Variants in GLYR1 observed in about 807,000 individuals in gnomAD.
GLYR1 encodes the protein cytokine-like nuclear factor N-PAC.
Under a neutral mutation model 72.7 loss-of-function variants are expected in GLYR1, and 21 were observed. That is an observed-to-expected ratio of 0.29 (90% confidence interval 0.20 to 0.42). The LOEUF (loss-of-function observed/expected upper bound fraction) is 0.42. GLYR1 is among the 10% of genes least tolerant of loss of function. The pLI is 1.00. For missense variants in GLYR1, 594 were observed against 712.1 expected (o/e 0.83, Z 1.89); for synonymous variants, 392 against 270.2 (o/e 1.45, Z -4.42).
chr16:4,833,793 C>A (rs1735555520), intron 3 of GLYR1, among the ~76,000 whole-genome samples: 1 of 152,218 alleles, frequency 6.6e-6, no homozygotes, highest in Admixed American at 6.5e-5. Flanking sequence ...TGATCTGTCA[C>A]ACTAACCTGA....
At chr16:4,832,629 C>T (rs1318601796) in intron 4 of GLYR1, 145 bp downstream of exon 4, 27 of 999,842 alleles carry the variant, frequency 2.7e-5, no homozygotes, top group Non-Finnish European at 3.8e-5. Context: ...ATAAGCAAAA[C>T]GCTGACACCT....
At chr16:4,837,143 T>C (rs1434574642) in intron 3 of GLYR1, among the ~76,000 whole-genome samples, 3 of 152,222 alleles carry the variant, frequency 2.0e-5, no homozygotes, top group Non-Finnish European at 4.4e-5. Context: ...TAAATGAAAA[T>C]CATACATGTA....
In GLYR1 at chr16:4,803,449, GGGAA is replaced by G. The variant is rs1431071817; in HGVS notation, c.*1783_*1786del. The G allele has an allele frequency of 6.6e-6, 1 of 152,606 alleles. No homozygotes were observed. The highest frequency in any genetic ancestry group is 2.4e-5 in the African/African-American group (1 of 41,430). 9.5% of individuals were successfully genotyped at this position (152,606 alleles called of 1,614,324 possible). On this transcript the variant is annotated 3_prime_UTR_variant, in exon 16 of 16. Transcript: ENST00000321919. ...CAAGTGTCACATTTTCTCCTTAAAAGGGAAGGATTTCAAAAGAAAGGTGAAATAG... is the reference window on the plus strand; with the variant it reads ...CAAGTGTCACATTTTCTCCTTAAAAGGGATTTCAAAAGAAAGGTGAAATAG...
rs573478676 is a variant in GLYR1, at chr16:4,820,708, T to A, written c.806+672A>T. Among the ~76,000 whole-genome samples, 52 of 152,364 alleles carry A rather than the reference T, an allele frequency of 3.4e-4. 1 individual carries two copies. The East Asian group carries it at 9.8e-3, about 29-fold the overall frequency. On this transcript the variant is annotated intron_variant, in intron 9 of 15. Transcript: ENST00000321919. ...GTACAAACTGGAAACTGACTTTAGC[T>A]AACTTGCTCCAGAGAACGTGTTTTC...
In GLYR1 at chr16:4,832,926, AAC is replaced by A; in HGVS notation, c.156-16_156-15del. ...TTGATCCAGGCACTAGCAGAAAACA[AAC>A]ACAAAAAGGGTGTGAACCATATAGC... On this transcript the variant is annotated splice_polypyrimidine_tract_variant and intron_variant, in intron 3 of 15. Coordinates refer to ENST00000321919, the MANE Select transcript of GLYR1 (RefSeq NM_032569.4). 10 of 1,607,216 alleles carry A rather than the reference AAC, an allele frequency of 6.2e-6. No homozygotes were observed. Among genetic ancestry groups the A allele is most frequent in the Non-Finnish European group, 8.5e-6 (10 of 1,176,398 alleles).
chr16:4,815,323 C>A (rs1378162621), intron 10 of GLYR1, among the ~76,000 whole-genome samples: 6 of 151,676 alleles, frequency 4.0e-5, no homozygotes, highest in Admixed American at 3.9e-4. Context: ...GCTGGATGGG[C>A]CTACTATTTT....
At chr16:4,832,267 C>T in intron 4 of GLYR1, 46 bp from the exon 5 acceptor site, 1 of 1,602,514 alleles carries the variant, frequency 6.2e-7, no homozygotes, top group Non-Finnish European at 8.5e-7. Context: ...ACAGCTGCTG[C>T]CGCCATCGCC....
At chr16:4,819,345 T>C (rs923022233) in intron 9 of GLYR1, among the ~76,000 whole-genome samples, 2 of 152,056 alleles carry the variant, frequency 1.3e-5, no homozygotes, top group African/African-American at 4.8e-5. Context: ...CATTATGCTG[T>C]CTCCCAGGCT....
chr16:4,822,805 C>T (rs1258231521), intron 7 of GLYR1, 70 bp downstream of exon 7: 1 of 1,325,206 alleles, frequency 7.5e-7, no homozygotes, highest in Non-Finnish European at 1.1e-6. Flanking sequence ...ATGGCCAGGC[C>T]AGGACCCAGT....
chr16:4,817,341 G>A (rs1011766535), intron 10 of GLYR1, among the ~76,000 whole-genome samples: 38 of 151,788 alleles, frequency 2.5e-4, no homozygotes, highest in Admixed American at 2.6e-4. Flanking sequence ...GGATGGTCTC[G>A]ATCTCCTGAC....
At chr16:4,818,585 G>A (rs1464942031) in intron 9 of GLYR1, among the ~76,000 whole-genome samples, 2 of 152,044 alleles carry the variant, frequency 1.3e-5, no homozygotes, top group Non-Finnish European at 2.9e-5. Context: ...ACCCGGCTCT[G>A]GATACTACTT....
At chr16:4,836,084 C>T (rs1401651071) in intron 3 of GLYR1, among the ~76,000 whole-genome samples, 2 of 152,188 alleles carry the variant, frequency 1.3e-5, no homozygotes, top group Non-Finnish European at 2.9e-5. Flanking sequence ...CAGGTATGAG[C>T]CACTGCAACT....
chr16:4,812,031 G>C, intron 13 of GLYR1, 55 bp downstream of exon 13: 2 of 1,576,814 alleles, frequency 1.3e-6, no homozygotes, highest in Non-Finnish European at 1.7e-6. Context: ...TCATCAGTGT[G>C]AAACAGAGGA....
intron 12 of GLYR1, among the ~76,000 whole-genome samples, chr16:4,812,450 G>C (rs564227251): frequency 6.6e-5 from 10 of 152,030 alleles, no homozygotes; most frequent in Admixed American, 3.9e-4. Context: ...AATCACAGCA[G>C]TGATGAGACG....
chr16:4,841,619 C>T (rs1034763036), intron 3 of GLYR1, among the ~76,000 whole-genome samples: 3 of 150,792 alleles, frequency 2.0e-5, no homozygotes, highest in African/African-American at 7.3e-5. Context: ...CACTCCAACC[C>T]TTTCTCAAAA....
At chr16:4,815,978 T>C (rs2083614654) in intron 10 of GLYR1, among the ~76,000 whole-genome samples, 1 of 151,988 alleles carries the variant, frequency 6.6e-6, no homozygotes. Flanking sequence ...AGACGGGGTT[T>C]CACCGAGGTC....
intron 2 of GLYR1, among the ~76,000 whole-genome samples, chr16:4,845,414 G>C (rs184209983): frequency 6.6e-6 from 1 of 152,258 alleles, no homozygotes; most frequent in East Asian, 1.9e-4. Flanking sequence ...GTGCTCAGTA[G>C]ACACAATATC....
chr16:4,813,843 G>T lies in GLYR1; in HGVS notation c.1018-5C>A. ...ACCACTGGGGCCCAGCACCAGCTGT[G>T]GGGACACAAGGGAGAAGCAATAGCC... On this transcript the variant is annotated splice_polypyrimidine_tract_variant and splice_region_variant and intron_variant, in intron 11 of 15. Transcript: ENST00000321919. The T allele has an allele frequency of 1.2e-6, 2 of 1,604,296 alleles. No individual in the cohort carries two copies. Among genetic ancestry groups the T allele is most frequent in the East Asian group, 2.2e-5 (1 of 44,560 alleles).
rs146799499 is a variant in GLYR1 at position 4,828,910 on chromosome 16, G to A, written c.537+3069C>T. ...GGTATTTCTTTCCAGGGTGGCACAG[G>A]CACCGGTGAGATGCATGGCTTCACA... On this transcript the variant is annotated intron_variant, in intron 5 of 15. Coordinates refer to ENST00000321919, the MANE Select transcript of GLYR1 (RefSeq NM_032569.4). Among the ~76,000 whole-genome samples, 337 of 152,150 alleles carry A rather than the reference G, an allele frequency of 2.2e-3. 4 individuals are homozygous for A. The highest frequency in any genetic ancestry group is 7.8e-3 in the African/African-American group (323 of 41,520).
Sources: allele counts gnomAD v4.1 joint callset (sites outside exome capture counted in the v4.1 genomes callset), GRCh38; gene constraint gnomAD v4.1.1; transcripts MANE v1.5; gene names NCBI Gene and HGNC (gene_info 2026-07-23, HGNC 2026-07-21).